The following EYA1 variants were observed in gnomAD, a reference collection of about 807,000 sequenced individuals.
EYA1 encodes protein phosphatase EYA1.
Under a neutral mutation model 82.0 loss-of-function variants are expected in EYA1, and 16 were observed. The ratio of observed to expected loss-of-function variants is 0.20; its 90% CI spans 0.13 to 0.30. The LOEUF (loss-of-function observed/expected upper bound fraction) is 0.30. Among genes scored for constraint, EYA1 ranks in the 10% least tolerant of loss-of-function variants. The probability of loss-of-function intolerance (pLI) is 1.00; values close to 1 mark genes in which losing one functional copy is unlikely to be tolerated. For missense variants in EYA1, 633 were observed against 730.7 expected (o/e 0.87, Z 1.54); for synonymous variants, 261 against 264.4 (o/e 0.99, Z 0.12).
intron 12 of EYA1, among the ~76,000 whole-genome samples, chr8:71,230,677 C>G (rs900887018): frequency 6.6e-6 from 1 of 152,188 alleles, no homozygotes; most frequent in African/African-American, 2.4e-5. Context: ...CTTCACCCAA[C>G]AGAATAGAGA....
intron 12 of EYA1, among the ~76,000 whole-genome samples, chr8:71,219,076 AAC>A (rs1237166972): frequency 6.6e-6 from 1 of 152,228 alleles, no homozygotes; most frequent in Non-Finnish European, 1.5e-5. Flanking sequence ...CCTCATTACT[AAC>A]AGAGAAGGCA....
At chr8:71,395,851 G>A (rs1387564900) in intron 2 of EYA1, among the ~76,000 whole-genome samples, 1 of 152,118 alleles carries the variant, frequency 6.6e-6, no homozygotes, top group Non-Finnish European at 1.5e-5. Flanking sequence ...GATTGGAACA[G>A]TTTCAGAAGG....
intron 2 of EYA1, among the ~76,000 whole-genome samples, chr8:71,493,298 T>C (rs564065035): frequency 6.6e-6 from 1 of 152,336 alleles, no homozygotes; most frequent in African/African-American, 2.4e-5. Flanking sequence ...CACATGTCCT[T>C]TAGGAACAAG....
chr8:71,255,954 C>T (rs115761297), intron 11 of EYA1, among the ~76,000 whole-genome samples: 457 of 152,220 alleles, frequency 3.0e-3, no homozygotes, highest in African/African-American at 0.011. Flanking sequence ...ATGAAATATG[C>T]TCATCATCAT....
At chr8:71,236,099 G>A (rs1243302379) in intron 12 of EYA1, among the ~76,000 whole-genome samples, 2 of 152,122 alleles carry the variant, frequency 1.3e-5, no homozygotes, top group African/African-American at 2.4e-5. Context: ...GGAGTGCAGT[G>A]GCACAATCTT....
chr8:71,283,250 C>A (rs185999890), intron 9 of EYA1, among the ~76,000 whole-genome samples: 13 of 152,178 alleles, frequency 8.5e-5, no homozygotes, highest in Admixed American at 1.3e-4. Context: ...AGAATTCTTT[C>A]CCCAGATATT....
intron 7 of EYA1, among the ~76,000 whole-genome samples, chr8:71,309,761 T>A (rs1821127571): frequency 1.3e-5 from 2 of 152,196 alleles, no homozygotes; most frequent in Admixed American, 1.3e-4. Flanking sequence ...TCCCACTTCA[T>A]AATGAGGCAG....
chr8:71,462,628 A>C (rs1808450471), intron 2 of EYA1, among the ~76,000 whole-genome samples: 1 of 152,106 alleles, frequency 6.6e-6, no homozygotes, highest in African/African-American at 2.4e-5. Flanking sequence ...CCTGGCTCCC[A>C]CTGGCTCCTG....
At chr8:71,375,229 G>A (rs546370194) in intron 2 of EYA1, among the ~76,000 whole-genome samples, 100 of 151,780 alleles carry the variant, frequency 6.6e-4, no homozygotes, top group African/African-American at 2.4e-3. Flanking sequence ...CACTATATAT[G>A]TGCATATCAA....
intron 2 of EYA1, among the ~76,000 whole-genome samples, chr8:71,389,192 T>C (rs1586608930): frequency 6.6e-6 from 1 of 152,276 alleles, no homozygotes; most frequent in South Asian, 2.1e-4. Context: ...TGGCAGGGAA[T>C]GCTCATGATA....
At chr8:71,475,281 T>C (rs1479327310) in intron 2 of EYA1, among the ~76,000 whole-genome samples, 2 of 152,106 alleles carry the variant, frequency 1.3e-5, no homozygotes, top group Non-Finnish European at 2.9e-5. Context: ...TGCATGAAAA[T>C]GTTCCGAAGA....
intron 2 of EYA1, among the ~76,000 whole-genome samples, chr8:71,520,109 A>C (rs1586875889): frequency 6.6e-6 from 1 of 152,336 alleles, no homozygotes; most frequent in East Asian, 1.9e-4. Context: ...CCAACTTTAA[A>C]ATAAAACTTC....
intron 1 of EYA1, chr8:71,547,752 A>G (rs1815772540): frequency 6.6e-6 from 1 of 150,926 alleles, no homozygotes; most frequent in Non-Finnish European, 1.5e-5. Context: ...CTGGAGGCAG[A>G]AGCCGGCGGG....
intron 2 of EYA1, among the ~76,000 whole-genome samples, chr8:71,470,216 T>C (rs1809081107): frequency 6.6e-6 from 1 of 152,116 alleles, no homozygotes; most frequent in Admixed American, 6.6e-5. Context: ...TGCAATTGCT[T>C]TCCAGTAGGA....
At chr8:71,388,897 T>C (rs7012037) in intron 2 of EYA1, among the ~76,000 whole-genome samples, 103,802 of 151,856 alleles carry the variant, frequency 0.68, 36,008 homozygotes, top group Middle Eastern at 0.73. Context: ...CTTCACAGCA[T>C]CCAGCTAGTT....
At chr8:71,474,055 G>T (rs1809453427) in intron 2 of EYA1, among the ~76,000 whole-genome samples, 1 of 151,908 alleles carries the variant, frequency 6.6e-6, no homozygotes, top group South Asian at 2.1e-4. Flanking sequence ...GTTATTGGGG[G>T]GTGCATAGAA....
At chr8:71,470,924 C>T (rs978134255) in intron 2 of EYA1, 9 of 451,270 alleles carry the variant, frequency 2.0e-5, no homozygotes, top group Non-Finnish European at 3.6e-5. Flanking sequence ...AACAGCAGTG[C>T]CAATGGGCTT....
intron 3 of EYA1, among the ~76,000 whole-genome samples, chr8:71,344,760 G>C (rs575645761): frequency 6.6e-6 from 1 of 152,326 alleles, no homozygotes; most frequent in East Asian, 1.9e-4. Context: ...GCAAATTAGC[G>C]GGTGGTAAAA....
At chr8:71,485,855 T>A (rs1312671836) in intron 2 of EYA1, among the ~76,000 whole-genome samples, 1 of 152,170 alleles carries the variant, frequency 6.6e-6, no homozygotes, top group African/African-American at 2.4e-5. Flanking sequence ...ATGGATGGCA[T>A]TTTTTATGAG....
Sources: gnomAD v4.1 joint callset for allele counts (sites outside exome capture counted in the v4.1 genomes callset) on GRCh38, gnomAD v4.1.1 for gene constraint, MANE v1.5 for transcripts, NCBI Gene and HGNC (gene_info 2026-07-23, HGNC 2026-07-21) for gene names.